Variants in PHLDB2 observed in about 807,000 individuals in gnomAD.
PHLDB2 encodes the protein pleckstrin homology like domain family B member 2.
Under a neutral mutation model 123.6 loss-of-function variants are expected in PHLDB2, and 71 were observed. The ratio of observed to expected loss-of-function variants is 0.57; its 90% CI spans 0.47 to 0.70. The LOEUF (loss-of-function observed/expected upper bound fraction) is 0.70, where lower values mean the gene tolerates loss of function less well. PHLDB2 is among the 30% of genes least tolerant of loss of function. PHLDB2 has a pLI of 0.00. For missense variants in PHLDB2, 1,446 were observed against 1,519.5 expected (o/e 0.95, Z 0.80); for synonymous variants, 547 against 541.6 (o/e 1.01, Z -0.14).
At chr3:111,751,745 G>A (rs930932666) in intron 1 of PHLDB2, among the ~76,000 whole-genome samples, 5 of 151,384 alleles carry the variant, frequency 3.3e-5, no homozygotes, top group African/African-American at 9.7e-5. Context: ...GCTAAATGAC[G>A]AGTTAATGGG....
intron 2 of PHLDB2, among the ~76,000 whole-genome samples, chr3:111,898,176 G>A (rs1317051481): frequency 8.4e-6 from 1 of 119,156 alleles, no homozygotes; most frequent in African/African-American, 3.1e-5. Context: ...GTGTGTGTGT[G>A]TGTGTTTGTG....
chr3:111,933,383 C>A (rs999346029), intron 6 of PHLDB2, among the ~76,000 whole-genome samples: 19 of 152,156 alleles, frequency 1.2e-4, no homozygotes, highest in African/African-American at 4.3e-4. Context: ...CATCCTTAAA[C>A]GTTCTTAAGA....
intron 10 of PHLDB2, 145 bp downstream of exon 10, chr3:111,949,220 T>C (rs1373811535): frequency 2.8e-5 from 25 of 905,886 alleles, no homozygotes; most frequent in Non-Finnish European, 2.6e-5. Context: ...GCTGAGTTTA[T>C]AAAGTATACC....
chr3:111,844,869 G>A (rs72938229), intron 1 of PHLDB2, among the ~76,000 whole-genome samples: 6,082 of 152,136 alleles, frequency 0.04, 403 homozygotes, highest in African/African-American at 0.14. Flanking sequence ...AATCAAGTGG[G>A]ACAATATTTG....
chr3:111,766,443 CAA>C (rs11391498), intron 1 of PHLDB2, among the ~76,000 whole-genome samples: 19 of 112,394 alleles, frequency 1.7e-4, no homozygotes, highest in Non-Finnish European at 1.1e-4. Flanking sequence ...GACTCTGTCT[CAA>C]AAAAAAAAAA....
intron 9 of PHLDB2, among the ~76,000 whole-genome samples, chr3:111,946,760 AG>A (rs749609321): frequency 1.3e-5 from 2 of 152,156 alleles, no homozygotes; most frequent in Non-Finnish European, 1.5e-5. Flanking sequence ...TTAAGCAGGG[AG>A]GTGACATTTG....
intron 10 of PHLDB2, among the ~76,000 whole-genome samples, chr3:111,952,058 C>T (rs2070747403): frequency 6.6e-6 from 1 of 152,152 alleles, no homozygotes; most frequent in Non-Finnish European, 1.5e-5. Context: ...TAGAATGATG[C>T]CTTTTAGGGA....
chr3:111,740,062 GC>G (rs1248950238), intron 1 of PHLDB2, among the ~76,000 whole-genome samples: 1 of 152,066 alleles, frequency 6.6e-6, no homozygotes, highest in Non-Finnish European at 1.5e-5. Context: ...AGAGAAGGCA[GC>G]CCGGGCAGTA....
chr3:111,944,086 G>T (rs1188123887), intron 8 of PHLDB2, among the ~76,000 whole-genome samples: 1 of 152,142 alleles, frequency 6.6e-6, no homozygotes, highest in Non-Finnish European at 1.5e-5. Flanking sequence ...CCTGTAACAT[G>T]GAGTGAAAGA....
intron 10 of PHLDB2, chr3:111,949,881 G>T (rs2070594000): frequency 2.0e-6 from 2 of 985,686 alleles, no homozygotes; most frequent in African/African-American, 3.5e-5. Flanking sequence ...AGCAGCAGCA[G>T]GAGCAACAGG....
At chr3:111,851,676 C>T (rs1410399970) in intron 2 of PHLDB2, among the ~76,000 whole-genome samples, 1 of 152,176 alleles carries the variant, frequency 6.6e-6, no homozygotes, top group African/African-American at 2.4e-5. Context: ...CCACTTCCTA[C>T]ATAGCCGCTG....
chr3:111,742,583 A>G (rs1449255647), intron 1 of PHLDB2, among the ~76,000 whole-genome samples: 2 of 152,012 alleles, frequency 1.3e-5, no homozygotes, highest in Admixed American at 6.6e-5. Context: ...TCCTTGCGAT[A>G]GTTTGCTGAG....
intron 1 of PHLDB2, among the ~76,000 whole-genome samples, chr3:111,779,252 TC>T (rs2060323436): frequency 6.6e-6 from 1 of 151,614 alleles, no homozygotes; most frequent in African/African-American, 2.4e-5. Context: ...TATATTTTTT[TC>T]TTTTTCAACT....
intron 2 of PHLDB2, among the ~76,000 whole-genome samples, chr3:111,887,129 C>CT (rs2066217547): frequency 6.6e-6 from 1 of 152,144 alleles, no homozygotes; most frequent in African/African-American, 2.4e-5. Flanking sequence ...TTCAGCATCT[C>CT]TAAGTGTTGG....
At chr3:111,752,764 C>T (rs1265487106) in intron 1 of PHLDB2, among the ~76,000 whole-genome samples, 1 of 151,890 alleles carries the variant, frequency 6.6e-6, no homozygotes, top group East Asian at 1.9e-4. Context: ...CCTCATTTAG[C>T]ATTAGGTATA....
intron 1 of PHLDB2, among the ~76,000 whole-genome samples, chr3:111,764,394 C>T (rs2060043468): frequency 6.6e-6 from 1 of 152,170 alleles, no homozygotes; most frequent in African/African-American, 2.4e-5. Flanking sequence ...AGACAGAGTA[C>T]ATGGTAAACT....
chr3:111,952,786 G>A, intron 11 of PHLDB2, 74 bp downstream of exon 11: 1 of 1,513,644 alleles, frequency 6.6e-7, no homozygotes, highest in Non-Finnish European at 8.9e-7. Flanking sequence ...ATGTGTAAAG[G>A]CCTTTAAAGA....
intron 1 of PHLDB2, among the ~76,000 whole-genome samples, chr3:111,745,765 A>G (rs73220212): frequency 0.077 from 11,511 of 149,378 alleles, 608 homozygotes; most frequent in Admixed American, 0.12. Flanking sequence ...TTGAAAACAA[A>G]AACAAAAAAA....
intron 5 of PHLDB2, among the ~76,000 whole-genome samples, 194 bp from the exon 6 acceptor site, chr3:111,932,075 A>G (rs980122736): frequency 6.6e-6 from 1 of 152,336 alleles, no homozygotes; most frequent in Middle Eastern, 3.4e-3. Flanking sequence ...TTGAGAATGC[A>G]GAAACCCAGT....
Sources: allele counts gnomAD v4.1 joint callset (sites outside exome capture counted in the v4.1 genomes callset), GRCh38; gene constraint gnomAD v4.1.1; transcripts MANE v1.5; gene names NCBI Gene and HGNC (gene_info 2026-07-23, HGNC 2026-07-21).